ENTREP2: variants seen among roughly 807,000 people sequenced by gnomAD.
ENTREP2 encodes the protein protein ENTREP2.
the ENTREP2 span, among the ~76,000 whole-genome samples, chr15:29,231,515 T>C: frequency 1.3e-5 from 2 of 152,196 alleles, no homozygotes; most frequent in African/African-American, 2.4e-5. Context: ...TGTAATGCTA[T>C]GAAAATTATT....
the ENTREP2 span, among the ~76,000 whole-genome samples, chr15:29,371,257 A>G: frequency 4.0e-5 from 6 of 151,892 alleles, no homozygotes; most frequent in African/African-American, 1.5e-4. Context: ...TCCCACTTTC[A>G]AAGATGGCCT....
the ENTREP2 span, among the ~76,000 whole-genome samples, chr15:29,318,575 C>T: frequency 6.6e-6 from 1 of 152,256 alleles, no homozygotes; most frequent in East Asian, 1.9e-4. Context: ...CCACCTCGGC[C>T]TCCCAAAGTG....
At chr15:29,430,773 G>A in the ENTREP2 span, among the ~76,000 whole-genome samples, 1 of 152,124 alleles carries the variant, frequency 6.6e-6, no homozygotes, top group Admixed American at 6.5e-5. Context: ...ATCTGACCTA[G>A]ATTTAATTAT....
At chr15:29,403,579 A>G in the ENTREP2 span, among the ~76,000 whole-genome samples, 1 of 152,258 alleles carries the variant, frequency 6.6e-6, no homozygotes, top group African/African-American at 2.4e-5. Flanking sequence ...TACAATAGGA[A>G]CTGAAGCTGT....
At chr15:29,468,586 C>T in the ENTREP2 span, among the ~76,000 whole-genome samples, 5 of 141,186 alleles carry the variant, frequency 3.5e-5, no homozygotes, top group South Asian at 2.2e-4. Flanking sequence ...CTCCAGCCTG[C>T]GCAACGAGAG....
chr15:29,149,432 TC>T, the ENTREP2 span, among the ~76,000 whole-genome samples: 1 of 152,234 alleles, frequency 6.6e-6, no homozygotes, highest in Non-Finnish European at 1.5e-5. Context: ...TGGCCCAGCT[TC>T]CTGGAGCAGA....
At chr15:29,268,993 A>G in the ENTREP2 span, 2 of 1,614,078 alleles carry the variant, frequency 1.2e-6, no homozygotes, top group East Asian at 2.2e-5. Context: ...GGTGTGGGGT[A>G]TCCGCCGGTA....
the ENTREP2 span, among the ~76,000 whole-genome samples, chr15:29,656,865 G>A: frequency 1.3e-5 from 2 of 152,162 alleles, no homozygotes; most frequent in African/African-American, 4.8e-5. Context: ...CAAGTGAACT[G>A]AAAACTCATC....
the ENTREP2 span, among the ~76,000 whole-genome samples, chr15:29,135,811 TGGCCTC>T: frequency 1.3e-5 from 2 of 152,154 alleles, no homozygotes; most frequent in African/African-American, 4.8e-5. This position sits in a 1 kb window ranked among gnomAD's most constrained non-coding sequence, Gnocchi z 7.4. Context: ...TGAAGCTTCT[TGGCCTC>T]AGACAGGACC....
the ENTREP2 span, among the ~76,000 whole-genome samples, chr15:29,149,114 T>G: frequency 1.3e-5 from 2 of 152,110 alleles, no homozygotes; most frequent in Non-Finnish European, 2.9e-5. Context: ...TGACCTCAGG[T>G]GATCTGCCGG....
At chr15:29,546,701 A>G in the ENTREP2 span, among the ~76,000 whole-genome samples, 1 of 152,010 alleles carries the variant, frequency 6.6e-6, no homozygotes, top group Non-Finnish European at 1.5e-5. Context: ...CCTGGCTAAC[A>G]TGGTGAAACC....
At chr15:29,641,065 GA>G in the ENTREP2 span, among the ~76,000 whole-genome samples, 2 of 152,014 alleles carry the variant, frequency 1.3e-5, no homozygotes, top group African/African-American at 4.8e-5. Context: ...TACAATAAAG[GA>G]AAAAACACAC....
the ENTREP2 span, among the ~76,000 whole-genome samples, chr15:29,664,704 C>T: frequency 2.0e-5 from 3 of 152,316 alleles, no homozygotes; most frequent in East Asian, 5.8e-4. Flanking sequence ...CCTGCATTGA[C>T]TGGTCCTCGG....
chr15:29,658,172 C>T, the ENTREP2 span, among the ~76,000 whole-genome samples: 40 of 152,206 alleles, frequency 2.6e-4, 1 homozygote, highest in African/African-American at 9.2e-4. Context: ...AGCAGTTTCC[C>T]CCATCCTGTT....
At chr15:29,322,394 AT>A in the ENTREP2 span, among the ~76,000 whole-genome samples, 2 of 152,194 alleles carry the variant, frequency 1.3e-5, no homozygotes, top group African/African-American at 4.8e-5. Context: ...TCTAAGATAA[AT>A]TTTTTATCCC....
chr15:29,128,777 A>G, the ENTREP2 span: 5 of 1,549,022 alleles, frequency 3.2e-6, no homozygotes, highest in East Asian at 1.2e-4. Flanking sequence ...GAGCTGAAAG[A>G]GGTAAGCTTA....
At chr15:29,308,212 C>T in the ENTREP2 span, among the ~76,000 whole-genome samples, 1 of 152,044 alleles carries the variant, frequency 6.6e-6, no homozygotes, top group Non-Finnish European at 1.5e-5. Context: ...CCCGTCTCTA[C>T]TAAAAATACA....
chr15:29,231,921 C>T, the ENTREP2 span, among the ~76,000 whole-genome samples: 2,534 of 131,034 alleles, frequency 0.019, 37 homozygotes, highest in Non-Finnish European at 0.031. Flanking sequence ...GACGGAGTCT[C>T]ACTCTGCTGC....
the ENTREP2 span, among the ~76,000 whole-genome samples, chr15:29,363,479 G>A: frequency 6.6e-6 from 1 of 152,126 alleles, no homozygotes; most frequent in Non-Finnish European, 1.5e-5. Context: ...AAACATTTCT[G>A]TAAGTGCAAA....
Sources: allele counts gnomAD v4.1 joint callset (sites outside exome capture counted in the v4.1 genomes callset), GRCh38; gene constraint gnomAD v4.1.1; non-coding constraint Gnocchi (gnomAD v3.1); transcripts MANE v1.5; gene names NCBI Gene and HGNC (gene_info 2026-07-23, HGNC 2026-07-21).